ZBTB8A: variants seen among roughly 807,000 people sequenced by gnomAD.
ZBTB8A encodes the protein zinc finger and BTB domain containing 8A, also known as zinc finger and BTB domain-containing protein 8A.
ZBTB8A carries 19 observed loss-of-function variants against 37.8 expected under a neutral mutation model. That is an observed-to-expected ratio of 0.50 (90% CI 0.35 to 0.74). The LOEUF is 0.74. ZBTB8A is among the 30% of genes least tolerant of loss of function. The pLI is 0.01. For synonymous variants in ZBTB8A, 181 were observed against 185.2 expected (o/e 0.98, Z 0.19); for missense variants, 394 against 537.8 (o/e 0.73, Z 2.65).
rs370663540 is a variant in ZBTB8A at position 32,593,092 on chromosome 1, C to T, written c.161C>T (p.Ser54Phe). ...AGCGGCTACTTTAAAATGCTTCTTT[C>T]TCAGAATTCAAAGGAGACGAGTCAG... Reference protein sequence around the residue: ...ASSGYFKMLLSQNSKETSQPT... With the variant: ...ASSGYFKMLLFQNSKETSQPT... Residue 54 changes from serine (S) to phenylalanine (F), a missense_variant, in exon 3 of 5, where the codon TCT becomes TTT. Around this residue, in one of 4 missense-constraint regions of ZBTB8A, gnomAD observed 96 missense variants for 165.6 expected, o/e 0.58. Transcript: ENST00000373510. 6.2e-7 allele frequency: 1 copy of T among 1,614,136 alleles called. No homozygotes were observed. Among genetic ancestry groups the T allele is most frequent in the Non-Finnish European group, 8.5e-7 (1 of 1,180,030 alleles).
chr1:32,591,458 GTCC>G (rs1382504548), intron 2 of ZBTB8A, among the ~76,000 whole-genome samples: 3 of 151,902 alleles, frequency 2.0e-5, no homozygotes, highest in Non-Finnish European at 4.4e-5. Flanking sequence ...GGCTCAAGCT[GTCC>G]TCCTGCCTCT....
At chr1:32,543,329 C>T (rs1046582883) in intron 1 of ZBTB8A, among the ~76,000 whole-genome samples, 2 of 152,168 alleles carry the variant, frequency 1.3e-5, no homozygotes, top group African/African-American at 4.8e-5. Flanking sequence ...AGGTGATCCA[C>T]CCGCCTCAGC....
At chr1:32,580,374 A>G (rs1161091748) in intron 2 of ZBTB8A, among the ~76,000 whole-genome samples, 2 of 152,128 alleles carry the variant, frequency 1.3e-5, no homozygotes, top group African/African-American at 4.8e-5. Context: ...CCTGGCCAAC[A>G]TGGTGAAACT....
intron 1 of ZBTB8A, among the ~76,000 whole-genome samples, chr1:32,549,602 G>T (rs113133636): frequency 1.3e-5 from 2 of 152,090 alleles, no homozygotes; most frequent in Non-Finnish European, 2.9e-5. Context: ...TAGGCCATGC[G>T]CAGTGTAATC....
chr1:32,555,561 G>T (rs560275838), intron 2 of ZBTB8A, among the ~76,000 whole-genome samples: 1 of 152,152 alleles, frequency 6.6e-6, no homozygotes, highest in African/African-American at 2.4e-5. Context: ...CATTCTCCCT[G>T]TAATTTCTTG....
At chr1:32,543,883 C>T (rs1408933566) in intron 1 of ZBTB8A, among the ~76,000 whole-genome samples, 1 of 151,948 alleles carries the variant, frequency 6.6e-6, no homozygotes, top group East Asian at 1.9e-4. Flanking sequence ...TCACCGTGTT[C>T]GCCAGGATGG....
chr1:32,591,351 C>T (rs1381284879), intron 2 of ZBTB8A, among the ~76,000 whole-genome samples: 1 of 151,886 alleles, frequency 6.6e-6, no homozygotes, highest in Non-Finnish European at 1.5e-5. Flanking sequence ...GCTAGGACTA[C>T]AGGTGTTCTC....
chr1:32,573,137 C>G (rs1310632820), intron 2 of ZBTB8A, among the ~76,000 whole-genome samples: 1 of 142,228 alleles, frequency 7.0e-6, no homozygotes, highest in Non-Finnish European at 1.5e-5. Flanking sequence ...GTGGCATGAT[C>G]TCAGCTAACT....
At chr1:32,567,825 A>AAAC (rs1553178097) in intron 2 of ZBTB8A, among the ~76,000 whole-genome samples, 4 of 63,674 alleles carry the variant, frequency 6.3e-5, no homozygotes, top group Non-Finnish European at 1.1e-4. Context: ...AAAAAAAAAC[A>AAAC]AAAACAAAAC....
At chr1:32,540,858 G>A (rs72652133) in intron 1 of ZBTB8A, among the ~76,000 whole-genome samples, 17,282 of 152,136 alleles carry the variant, frequency 0.11, 1,076 homozygotes, top group African/African-American at 0.18. Context: ...TGAGAATCTG[G>A]CTTAGGGCCC....
At chr1:32,552,377 T>C (rs1644163284) in intron 1 of ZBTB8A, among the ~76,000 whole-genome samples, 1 of 151,806 alleles carries the variant, frequency 6.6e-6, no homozygotes, top group Non-Finnish European at 1.5e-5. Flanking sequence ...ATAAACCAAA[T>C]GGCCAGGCGT....
chr1:32,571,172 G>T (rs1351966376), intron 2 of ZBTB8A, among the ~76,000 whole-genome samples: 1 of 152,016 alleles, frequency 6.6e-6, no homozygotes, highest in African/African-American at 2.4e-5. Flanking sequence ...CACCACACCC[G>T]GCCTATGCCT....
At position 32,595,137 on chromosome 1, in the gene ZBTB8A, T is replaced by A; in HGVS notation, c.907T>A (p.Cys303Ser). 1 of 1,614,242 alleles carries A rather than the reference T, an allele frequency of 6.2e-7. No homozygotes were observed. The highest frequency in any genetic ancestry group is 8.5e-7 in the Non-Finnish European group (1 of 1,180,040). The change falls in exon 4 of 5, where the codon TGT becomes AGT. Residue 303 changes from cysteine to serine, a missense_variant. By Grantham distance (112) the Cys-to-Ser change is moderately radical (BLOSUM62 -1). Around this residue, in one of 4 missense-constraint regions of ZBTB8A, gnomAD observed 42 missense variants for 96.4 expected, o/e 0.44. Transcript: ENST00000373510. ...RKADLKRHLR[C>S]HTGERPYPCQ... ...GGCAGACCTAAAGCGCCACCTTCGT[T>A]GTCATACAGGAGAAAGGCCCTATCC...
chr1:32,593,531 T>C lies in ZBTB8A; in HGVS notation c.600T>C (p.His200=), dbSNP rs771700700. The C allele has an allele frequency of 3.7e-6, 6 of 1,614,180 alleles. No individual in the cohort carries two copies. The South Asian group carries it at 6.6e-5, about 18-fold the overall frequency. Residue 200 remains histidine (H), a synonymous_variant, in exon 3 of 5, where the codon CAT becomes CAC. Transcript: ENST00000373510. The part of the protein sequence containing the change: ...QKNTQQPLAK[H]EPRKESIKKT... ...ATACTCAACAACCCTTGGCCAAGCA[T>C]GAACCAAGGAAAGAGTCCATTAAAA...
chr1:32,566,119 G>A (rs757934587), intron 2 of ZBTB8A, among the ~76,000 whole-genome samples: 5 of 151,412 alleles, frequency 3.3e-5, no homozygotes, highest in South Asian at 2.1e-4. Flanking sequence ...GGAGAATGGC[G>A]TGAACCCAGG....
rs1288999903 is a variant in ZBTB8A, at chr1:32,601,719, G to A, written c.*1300G>A. 2.5e-6 allele frequency: 1 copy of A among 398,262 alleles called. No homozygotes were observed. The highest frequency in any genetic ancestry group is 2.1e-5 in the African/African-American group (1 of 48,578). The allele number at this position is 398,262 out of a possible 1,614,324, so 24.7% of individuals were successfully genotyped here. ...TCTCTCCCTGTATGTCTCCTGAAAT[G>A]GCAAAGAATAGAAGTCAAACCTCAC... On this transcript the variant is annotated 3_prime_UTR_variant, in exon 5 of 5. Coordinates refer to ENST00000373510, the MANE Select transcript of ZBTB8A (RefSeq NM_001040441.3).
At chr1:32,571,389 G>A (rs1246046902) in intron 2 of ZBTB8A, among the ~76,000 whole-genome samples, 1 of 152,084 alleles carries the variant, frequency 6.6e-6, no homozygotes, top group African/African-American at 2.4e-5. Context: ...CTGTTTCACT[G>A]GAGTTTTTAT....
At chr1:32,554,060 C>T (rs1183090635) in intron 2 of ZBTB8A, among the ~76,000 whole-genome samples, 3 of 151,692 alleles carry the variant, frequency 2.0e-5, no homozygotes, top group Non-Finnish European at 4.4e-5. Context: ...ATTAGCCGGG[C>T]GTGGTGCTGG....
chr1:32,582,264 G>A (rs1471681719), intron 2 of ZBTB8A, among the ~76,000 whole-genome samples: 1 of 152,036 alleles, frequency 6.6e-6, no homozygotes, highest in Non-Finnish European at 1.5e-5. Flanking sequence ...TCCAATTAGG[G>A]ATGCTGAACC....
Sources: allele counts gnomAD v4.1 joint callset (sites outside exome capture counted in the v4.1 genomes callset), GRCh38; gene constraint gnomAD v4.1.1; regional missense constraint gnomAD v4.1.1; transcripts MANE v1.5; gene names NCBI Gene and HGNC (gene_info 2026-07-23, HGNC 2026-07-21).